SPRED1: variants seen among roughly 807,000 people sequenced by gnomAD.
The protein encoded by SPRED1 is sprouty-related, EVH1 domain-containing protein 1.
A neutral mutation model predicts 52.3 loss-of-function variants in SPRED1; 18 were observed. That is an observed-to-expected ratio of 0.34 (90% CI 0.24 to 0.51). The LOEUF (loss-of-function observed/expected upper bound fraction) is 0.51. SPRED1 is among the 20% of genes least tolerant of loss of function. The pLI is 0.97. For synonymous variants in SPRED1, 155 were observed against 179.7 expected, an observed-to-expected ratio of 0.86 and a Z score of 1.10; for missense variants, 485 against 551.0, an observed-to-expected ratio of 0.88 and a Z score of 1.20.
intron 1 of SPRED1, among the ~76,000 whole-genome samples, chr15:38,287,508 C>T (rs1894834646): frequency 6.6e-6 from 1 of 152,064 alleles, no homozygotes; most frequent in South Asian, 2.1e-4. Context: ...CTGCTCCCTC[C>T]CCACTTAAAA....
At chr15:38,296,322 A>G (rs931896403) in intron 1 of SPRED1, among the ~76,000 whole-genome samples, 2 of 152,202 alleles carry the variant, frequency 1.3e-5, no homozygotes, top group East Asian at 1.9e-4. Context: ...TTCTGCAACT[A>G]TTAATTTGAT....
rs567106024 is a variant in SPRED1, at chr15:38,322,155, G to A, written c.208-86G>A. Reference sequence around the variant, plus strand: ...AAATTATTCATTAAAAAGTAATAGCGTTGTATCACCTCAGTTTGTATTTAT... The same window carrying A: ...AAATTATTCATTAAAAAGTAATAGCATTGTATCACCTCAGTTTGTATTTAT... On this transcript the variant is annotated intron_variant, in intron 2 of 6. Coordinates refer to ENST00000299084, the MANE Select transcript of SPRED1 (RefSeq NM_152594.3). The A allele has an allele frequency of 9.7e-5, 125 of 1,290,716 alleles. 1 individual carries two copies. Among genetic ancestry groups the A allele is most frequent in the Admixed American group, 8.6e-4 (50 of 58,454 alleles). 80.0% of individuals were successfully genotyped at this position (1,290,716 alleles called of 1,614,324 possible).
rs547747836 is a variant in SPRED1, at chr15:38,339,448, A to G, written c.424-289A>G. On this transcript the variant is annotated intron_variant, in intron 4 of 6. Transcript: ENST00000299084. ...ACTTTTTATTATAGTTAAAAGCATT[A>G]TTATAATTAGCTCTTCTACATGACA... Among the ~76,000 whole-genome samples the G allele has an allele frequency of 3.5e-4, 53 of 152,280 alleles. 1 individual carries two copies. In the South Asian group the frequency reaches 0.011, roughly 31 times the overall value.
At chr15:38,328,152 T>G (rs1418609495) in intron 4 of SPRED1, among the ~76,000 whole-genome samples, 1 of 152,196 alleles carries the variant, frequency 6.6e-6, no homozygotes, top group Non-Finnish European at 1.5e-5. Context: ...TAAGGTGGTG[T>G]TTATATCGGG....
At chr15:38,297,168 T>A (rs531630161) in intron 1 of SPRED1, among the ~76,000 whole-genome samples, 104 of 152,342 alleles carry the variant, frequency 6.8e-4, no homozygotes, top group African/African-American at 2.4e-3. Context: ...GGTATTCTGT[T>A]AAAGCAGCAC....
At chr15:38,259,439 T>C (rs1894162284) in intron 1 of SPRED1, among the ~76,000 whole-genome samples, 1 of 152,120 alleles carries the variant, frequency 6.6e-6, no homozygotes, top group Non-Finnish European at 1.5e-5. Flanking sequence ...TTTTTTGTGG[T>C]GATCGGGTCC....
At chr15:38,267,564 A>T (rs116080374) in intron 1 of SPRED1, among the ~76,000 whole-genome samples, 1 of 152,234 alleles carries the variant, frequency 6.6e-6, no homozygotes, top group African/African-American at 2.4e-5. Flanking sequence ...GTTCTTTGGT[A>T]CCTTGTGGTT....
intron 1 of SPRED1, among the ~76,000 whole-genome samples, chr15:38,297,283 A>C (rs995130443): frequency 6.6e-6 from 1 of 152,236 alleles, no homozygotes; most frequent in Non-Finnish European, 1.5e-5. Flanking sequence ...GTTACAGTTT[A>C]GGTTTTTAAT....
intron 1 of SPRED1, among the ~76,000 whole-genome samples, chr15:38,294,475 T>C (rs922738772): frequency 3.3e-5 from 5 of 152,140 alleles, no homozygotes; most frequent in Non-Finnish European, 5.9e-5. Context: ...TTCCTGTTGC[T>C]GATGTAGGCA....
chr15:38,292,264 C>T (rs1894939846), intron 1 of SPRED1, among the ~76,000 whole-genome samples: 1 of 152,160 alleles, frequency 6.6e-6, no homozygotes, highest in Non-Finnish European at 1.5e-5. Context: ...TTGTTCATTT[C>T]ACTATCAGCA....
rs1042313462 is a variant in SPRED1 at position 38,303,860 on chromosome 15, A to T, written c.207+4313A>T. ...AAAGCAAGGTTATAAGACAGTTACC[A>T]TTATAAACTTAGAGTGACAAAGATA... On this transcript the variant is annotated intron_variant, in intron 2 of 6. Coordinates refer to ENST00000299084, the MANE Select transcript of SPRED1 (RefSeq NM_152594.3). Among the ~76,000 whole-genome samples, 4 of 152,174 alleles carry T rather than the reference A, an allele frequency of 2.6e-5. No individual in the cohort carries two copies. The East Asian group carries it at 7.7e-4, about 29-fold the overall frequency.
rs371200183 is a variant in SPRED1, at chr15:38,253,174, G to T, written c.-12G>T. ...CTCCTCCATCTCCAGATCGGATCAC[G>T]GTGAGGGAAAGATGAGCGAGGAGAC... On this transcript the variant is annotated 5_prime_UTR_variant, in exon 1 of 7. Transcript: ENST00000299084. The T allele has an allele frequency of 4.4e-6, 7 of 1,577,574 alleles. 1 individual carries two copies. The South Asian group carries it at 7.0e-5, about 16-fold the overall frequency.
chr15:38,320,855 A>G (rs1184485929), intron 2 of SPRED1, among the ~76,000 whole-genome samples: 1 of 152,202 alleles, frequency 6.6e-6, no homozygotes, highest in East Asian at 1.9e-4. Flanking sequence ...AACATATATT[A>G]AAAGCATACT....
rs537122708 is a variant in SPRED1 at position 38,322,122 on chromosome 15, A to G, written c.208-119A>G. The G allele has an allele frequency of 1.2e-5, 12 of 995,488 alleles. No homozygotes were observed. In the East Asian group the frequency reaches 2.1e-4, roughly 17 times the overall value. 61.7% of individuals were successfully genotyped at this position (995,488 alleles called of 1,614,324 possible). ...TTGTGAAGTAGACCACTTTATTTAAAATACTAAAAATTATTCATTAAAAAG... is the reference window on the plus strand; with the variant it reads ...TTGTGAAGTAGACCACTTTATTTAAGATACTAAAAATTATTCATTAAAAAG... On this transcript the variant is annotated intron_variant, in intron 2 of 6. Coordinates refer to ENST00000299084, the MANE Select transcript of SPRED1 (RefSeq NM_152594.3).
intron 1 of SPRED1, among the ~76,000 whole-genome samples, chr15:38,288,617 G>A (rs371294071): frequency 6.6e-6 from 1 of 152,080 alleles, no homozygotes; most frequent in African/African-American, 2.4e-5. Context: ...AGAGCCCCAC[G>A]GTAGAAGAGA....
Position 38,305,289 on chromosome 15 carries a change from G to A in SPRED1, c.207+5742G>A, listed in dbSNP as rs190889082. Among the ~76,000 whole-genome samples, 10 of 150,210 alleles carry A rather than the reference G, an allele frequency of 6.7e-5. No homozygotes were observed. The East Asian group carries it at 1.2e-3, about 18-fold the overall frequency. On this transcript the variant is annotated intron_variant, in intron 2 of 6. Coordinates refer to ENST00000299084, the MANE Select transcript of SPRED1 (RefSeq NM_152594.3). ...AGAGGTTGCAGTGAGCCAAGATCAC[G>A]CCATTGCACTCCAGCTTGGGTAACG...
chr15:38,255,892 A>G (rs1894084299), intron 1 of SPRED1, among the ~76,000 whole-genome samples: 1 of 152,170 alleles, frequency 6.6e-6, no homozygotes, highest in South Asian at 2.1e-4. Flanking sequence ...TTCAACCTTC[A>G]AGAAAAGTGA....
At chr15:38,275,148 A>G (rs1172422080) in intron 1 of SPRED1, among the ~76,000 whole-genome samples, 3 of 151,952 alleles carry the variant, frequency 2.0e-5, no homozygotes, top group African/African-American at 7.3e-5. Flanking sequence ...TTCTGCTTTT[A>G]TTAATTGGAA....
Position 38,355,100 on chromosome 15 carries a change from C to T in SPRED1, c.*3436C>T, listed in dbSNP as rs2141019163. ...CCTCCCAAGTAGCTGGGATTACAGG[C>T]ACCCACCACCATGCCCAGCTAAGTT... On this transcript the variant is annotated 3_prime_UTR_variant, in exon 7 of 7. Transcript: ENST00000299084. 1 of 152,602 alleles carries T rather than the reference C, an allele frequency of 6.6e-6. No homozygotes were observed. Among genetic ancestry groups the T allele is most frequent in the Middle Eastern group, 3.3e-3 (1 of 300 alleles). 9.5% of individuals were successfully genotyped at this position (152,602 alleles called of 1,614,324 possible).
Sources: gnomAD v4.1 joint callset for allele counts (sites outside exome capture counted in the v4.1 genomes callset) on GRCh38, gnomAD v4.1.1 for gene constraint, MANE v1.5 for transcripts, NCBI Gene and HGNC (gene_info 2026-07-23, HGNC 2026-07-21) for gene names.